STPG2: variants seen among roughly 807,000 people sequenced by gnomAD.
STPG2 encodes sperm tail PG-rich repeat containing 2.
STPG2 carries 56 observed loss-of-function variants against 54.2 expected under a neutral mutation model. That is an observed-to-expected ratio of 1.03 (90% CI 0.83 to 1.29). The LOEUF (loss-of-function observed/expected upper bound fraction) is 1.29. Ranked by LOEUF, STPG2 falls within the 50% of genes most tolerant of loss-of-function variation. STPG2 has a pLI of 0.00. For missense variants in STPG2, 596 were observed against 544.9 expected (o/e 1.09, Z -0.93); for synonymous variants, 200 against 181.8 (o/e 1.10, Z -0.81).
chr4:97,756,487 A>G (rs1725736632), intron 9 of STPG2, among the ~76,000 whole-genome samples: 1 of 151,828 alleles, frequency 6.6e-6, no homozygotes, highest in Non-Finnish European at 1.5e-5. Flanking sequence ...ATGCCCGGCT[A>G]ATTTTTTTGT....
chr4:97,444,418 A>G (rs1729167312), intron 4 of STPG2, among the ~76,000 whole-genome samples: 1 of 152,200 alleles, frequency 6.6e-6, no homozygotes. Flanking sequence ...AATAAAAGAC[A>G]TTACCTTCAA....
chr4:97,730,960 G>C (rs1724776828), intron 9 of STPG2, among the ~76,000 whole-genome samples: 1 of 152,054 alleles, frequency 6.6e-6, no homozygotes, highest in Admixed American at 6.6e-5. Context: ...CCTGAATCTT[G>C]AGCTTTTGTG....
intron 5 of STPG2, among the ~76,000 whole-genome samples, chr4:97,988,285 T>G (rs1734889306): frequency 6.6e-6 from 1 of 152,270 alleles, no homozygotes; most frequent in African/African-American, 2.4e-5. Flanking sequence ...AATCTAAAAT[T>G]TCATTACCAC....
intron 9 of STPG2, among the ~76,000 whole-genome samples, chr4:97,807,236 T>C (rs1327712495): frequency 1.3e-5 from 2 of 151,792 alleles, no homozygotes; most frequent in Non-Finnish European, 2.9e-5. Context: ...TTAATTCCTT[T>C]AATATGTTTA....
At chr4:98,013,591 T>G (rs1413875868) in intron 5 of STPG2, among the ~76,000 whole-genome samples, 1 of 54,018 alleles carries the variant, frequency 1.9e-5, no homozygotes, top group Non-Finnish European at 4.3e-5. Flanking sequence ...TTTTTTTTTT[T>G]TTTTTTTTTT....
chr4:97,897,426 A>G (rs1201698527), intron 8 of STPG2, among the ~76,000 whole-genome samples: 1 of 152,114 alleles, frequency 6.6e-6, no homozygotes, highest in Admixed American at 6.6e-5. Flanking sequence ...ATACCCAGTA[A>G]TGGGATCGCT....
chr4:97,708,129 T>C (rs535862321), intron 10 of STPG2, among the ~76,000 whole-genome samples: 2 of 152,048 alleles, frequency 1.3e-5, no homozygotes, highest in Non-Finnish European at 2.9e-5. Flanking sequence ...AAAACAAACA[T>C]GAAAGTGCAA....
intron 5 of STPG2, among the ~76,000 whole-genome samples, chr4:98,012,791 C>A (rs1338859403): frequency 6.6e-6 from 1 of 152,168 alleles, no homozygotes; most frequent in Admixed American, 6.6e-5. Context: ...GATTTTTGCA[C>A]ACTGATTTTG....
chr4:97,739,004 G>A (rs77204432), intron 9 of STPG2, among the ~76,000 whole-genome samples: 64,117 of 151,294 alleles, frequency 0.42, 14,113 homozygotes, highest in Admixed American at 0.54. Flanking sequence ...AGAAATTATA[G>A]CAAACTATCT....
chr4:97,609,363 T>G (rs1184788073), intron 10 of STPG2, among the ~76,000 whole-genome samples: 1 of 152,040 alleles, frequency 6.6e-6, no homozygotes, highest in Non-Finnish European at 1.5e-5. Context: ...CCAAGTCATT[T>G]GGTCATCCCT....
intron 8 of STPG2, among the ~76,000 whole-genome samples, chr4:97,902,723 G>GA (rs1285230437): frequency 2.6e-5 from 4 of 152,112 alleles, no homozygotes; most frequent in African/African-American, 9.7e-5. Flanking sequence ...AGTCATTATG[G>GA]AAAACAGTAT....
chr4:98,029,387 C>T (rs1021210534), intron 5 of STPG2, among the ~76,000 whole-genome samples: 2 of 152,074 alleles, frequency 1.3e-5, no homozygotes, highest in African/African-American at 4.8e-5. Context: ...TTAGGATTAC[C>T]GTGTCTTCTC....
intron 4 of STPG2, among the ~76,000 whole-genome samples, chr4:97,487,000 A>T (rs897148674): frequency 3.3e-5 from 5 of 151,536 alleles, no homozygotes; most frequent in Non-Finnish European, 7.4e-5. Flanking sequence ...CAGGAATGGA[A>T]AACCAAACAC....
intron 9 of STPG2, among the ~76,000 whole-genome samples, chr4:97,762,417 G>C (rs911712607): frequency 2.0e-5 from 3 of 152,140 alleles, no homozygotes; most frequent in African/African-American, 7.2e-5. Context: ...GATAACAGAA[G>C]GGACAGGAGA....
chr4:97,918,397 G>A (rs1578689466), intron 8 of STPG2, among the ~76,000 whole-genome samples: 1 of 152,034 alleles, frequency 6.6e-6, no homozygotes, highest in East Asian at 1.9e-4. Flanking sequence ...TATGCATTAA[G>A]GAGAACTCTC....
intron 7 of STPG2, among the ~76,000 whole-genome samples, chr4:97,950,396 C>G (rs763341794): frequency 6.6e-6 from 1 of 152,098 alleles, no homozygotes; most frequent in Non-Finnish European, 1.5e-5. Flanking sequence ...TTGTTAAAAC[C>G]TCTACCACAT....
At chr4:97,961,967 T>C (rs1429817305) in intron 7 of STPG2, among the ~76,000 whole-genome samples, 1 of 152,104 alleles carries the variant, frequency 6.6e-6, no homozygotes, top group African/African-American at 2.4e-5. Flanking sequence ...CAAATGCCCA[T>C]CAATCAATGA....
intron 7 of STPG2, among the ~76,000 whole-genome samples, chr4:97,962,157 C>T (rs974834551): frequency 1.3e-5 from 2 of 152,002 alleles, no homozygotes; most frequent in African/African-American, 2.4e-5. Context: ...ACCTAAGCTA[C>T]GAGGAAGCAA....
downstream of STPG2, among the ~76,000 whole-genome samples, chr4:97,555,524 C>A (rs1732059014): frequency 6.6e-6 from 1 of 152,048 alleles, no homozygotes; most frequent in Non-Finnish European, 1.5e-5. Context: ...AATAAGATTA[C>A]TGTAGAAAGA....
Sources: gnomAD v4.1 joint callset for allele counts (sites outside exome capture counted in the v4.1 genomes callset) on GRCh38, gnomAD v4.1.1 for gene constraint, MANE v1.5 for transcripts, NCBI Gene and HGNC (gene_info 2026-07-23, HGNC 2026-07-21) for gene names.